Variants in RNF38 observed in about 807,000 individuals in gnomAD.
RNF38 encodes the protein E3 ubiquitin-protein ligase RNF38.
Under a neutral mutation model 67.2 loss-of-function variants are expected in RNF38, and 15 were observed. The ratio of observed to expected loss-of-function variants is 0.22; its 90% CI spans 0.15 to 0.34. The LOEUF is 0.34. RNF38 is among the 10% of genes least tolerant of loss of function. The pLI, the probability that RNF38 is intolerant of heterozygous loss-of-function variation, is 1.00. For missense variants in RNF38, 524 were observed against 639.9 expected (o/e 0.82, Z 1.95); for synonymous variants, 220 against 218.8 (o/e 1.01, Z -0.05).
At chr9:36,344,792 A>C in intron 10 of RNF38, 40 bp downstream of exon 10, 1 of 1,592,428 alleles carries the variant, frequency 6.3e-7, no homozygotes, top group Middle Eastern at 1.7e-4. Context: ...ATAAAGGTAG[A>C]AAAGGAAATT....
chr9:36,468,510 T>G (rs117822904), intron 1 of RNF38, among the ~76,000 whole-genome samples: 1 of 152,234 alleles, frequency 6.6e-6, no homozygotes, highest in East Asian at 1.9e-4. Flanking sequence ...CTTTTAACTT[T>G]TTATAAAATT....
chr9:36,456,764 T>A (rs1027662698), intron 1 of RNF38, among the ~76,000 whole-genome samples: 20 of 152,138 alleles, frequency 1.3e-4, no homozygotes, highest in Non-Finnish European at 2.4e-4. Flanking sequence ...AACTGTTATA[T>A]TCTGCATTGT....
chr9:36,403,453 C>T (rs1043956686), upstream of RNF38, among the ~76,000 whole-genome samples: 2 of 152,282 alleles, frequency 1.3e-5, no homozygotes, highest in East Asian at 1.9e-4. Context: ...CACAGGGCTA[C>T]GGGACAGTAC....
chr9:36,467,044 T>G (rs1470632775), intron 1 of RNF38, among the ~76,000 whole-genome samples: 1 of 141,414 alleles, frequency 7.1e-6, no homozygotes, highest in Non-Finnish European at 1.5e-5. Context: ...CCAGGCGTGG[T>G]GGCACGCGCC....
intron 2 of RNF38, among the ~76,000 whole-genome samples, chr9:36,408,337 A>C (rs562715993): frequency 6.6e-6 from 1 of 150,606 alleles, no homozygotes; most frequent in African/African-American, 2.4e-5. Flanking sequence ...TATTCAAAGC[A>C]AAGCTAACTG....
At chr9:36,411,321 A>G (rs914144880) in intron 2 of RNF38, among the ~76,000 whole-genome samples, 1 of 152,220 alleles carries the variant, frequency 6.6e-6, no homozygotes, top group Admixed American at 6.5e-5. Flanking sequence ...TGTTGGTGGG[A>G]ATATAAAATG....
At chr9:36,487,360 A>C in exon 1 of RNF38, 1 of 984,392 alleles carries the variant, frequency 1.0e-6, no homozygotes, top group Non-Finnish European at 1.2e-6. Flanking sequence ...CCGCCCGGAG[A>C]GGCCCGTGGC....
upstream of RNF38, among the ~76,000 whole-genome samples, chr9:36,402,655 C>G (rs1838082209): frequency 2.6e-5 from 4 of 152,128 alleles, no homozygotes; most frequent in South Asian, 8.3e-4. Context: ...GTAAGAGAGG[C>G]AGATTCCTCA....
intron 11 of RNF38, 142 bp from the exon 12 acceptor site, chr9:36,339,956 TA>T (rs2133303781): frequency 2.7e-6 from 2 of 748,326 alleles, no homozygotes; most frequent in Non-Finnish European, 4.4e-6. Flanking sequence ...TGCCTTTTTT[TA>T]ACCCATAAAC....
intron 1 of RNF38, among the ~76,000 whole-genome samples, chr9:36,429,318 C>G (rs1278785898): frequency 6.6e-6 from 1 of 152,168 alleles, no homozygotes; most frequent in Non-Finnish European, 1.5e-5. Context: ...GTATTGAAGA[C>G]AATGGTCCTC....
intron 2 of RNF38, among the ~76,000 whole-genome samples, chr9:36,383,605 T>C (rs1174251159): frequency 6.6e-6 from 1 of 152,230 alleles, no homozygotes; most frequent in Non-Finnish European, 1.5e-5. Context: ...ATTTGATGTA[T>C]AATTCTTATA....
At position 36,341,249 on chromosome 9, in the gene RNF38, C is replaced by T. The variant is rs76467877; in HGVS notation, c.1485+1076G>A. 6.9e-3 allele frequency among the ~76,000 whole-genome samples: 1,056 copies of T among 152,232 alleles called. 10 individuals are homozygous for T. The highest frequency in any genetic ancestry group is 0.024 in the African/African-American group (986 of 41,548). ...GTGGTTTTCTGATTCTCTGTCCGCA[C>T]GTGTCAGGGATTTACACATATAATG... On this transcript the variant is annotated intron_variant, in intron 11 of 11. Coordinates refer to ENST00000259605, the MANE Select transcript of RNF38 (RefSeq NM_022781.5).
intron 2 of RNF38, among the ~76,000 whole-genome samples, chr9:36,385,390 T>TC (rs1459749883): frequency 1.3e-5 from 2 of 151,756 alleles, no homozygotes; most frequent in African/African-American, 4.8e-5. Context: ...CTTTTTTTTT[T>TC]TTTTTTGGAG....
intron 2 of RNF38, among the ~76,000 whole-genome samples, chr9:36,414,563 G>A (rs770753580): frequency 2.0e-5 from 3 of 151,824 alleles, no homozygotes; most frequent in Admixed American, 6.6e-5. Context: ...GCACATGCCT[G>A]TAATCCCAGC....
rs73441019 is a variant in RNF38, at chr9:36,354,493, G to A, written c.910-1162C>T. ...TTTTATGTATTTACTTATTCTACAC[G>A]TTTCATGTAAATGGAACCAGTTCAT... On this transcript the variant is annotated intron_variant, in intron 6 of 11. Transcript: ENST00000259605. 2.6e-3 allele frequency among the ~76,000 whole-genome samples: 395 copies of A among 152,216 alleles called. 1 individual carries two copies. Among genetic ancestry groups the A allele is most frequent in the Admixed American group, 0.018 (282 of 15,268 alleles).
chr9:36,342,475 T>A, intron 10 of RNF38, 51 bp from the exon 11 acceptor site: 1 of 1,116,374 alleles, frequency 9.0e-7, no homozygotes, highest in Non-Finnish European at 1.4e-6. Flanking sequence ...GGTTTTCTAT[T>A]GTTATGACTA....
chr9:36,487,609 C>T (rs1029526235), upstream of RNF38: 35 of 978,698 alleles, frequency 3.6e-5, no homozygotes, highest in African/African-American at 6.0e-4. Context: ...TCCGGCGCGG[C>T]AGGCGCTGGC....
At chr9:36,446,810 G>GAAAAAAAA (rs60691553) in intron 1 of RNF38, among the ~76,000 whole-genome samples, 1 of 28,214 alleles carries the variant, frequency 3.5e-5, no homozygotes, top group Non-Finnish European at 6.7e-5. Context: ...TCCGCCTCAA[G>GAAAAAAAA]AAAAAAAAAA....
chr9:36,342,085 C>G (rs1445043607), intron 11 of RNF38, among the ~76,000 whole-genome samples: 2 of 152,080 alleles, frequency 1.3e-5, no homozygotes, highest in Non-Finnish European at 2.9e-5. Context: ...TCCCTATATA[C>G]CATGAAAAAG....
Sources: gnomAD v4.1 joint callset for allele counts (sites outside exome capture counted in the v4.1 genomes callset) on GRCh38, gnomAD v4.1.1 for gene constraint, MANE v1.5 for transcripts, NCBI Gene and HGNC (gene_info 2026-07-23, HGNC 2026-07-21) for gene names.